Variants in ETNK1 observed in about 807,000 individuals in gnomAD.
ETNK1 encodes the protein putative protein product of Nbla10396.
Under a neutral mutation model 45.1 loss-of-function variants are expected in ETNK1, and 8 were observed. That is an observed-to-expected ratio of 0.18 (90% confidence interval 0.10 to 0.32). ETNK1 has a LOEUF of 0.32. Ranked by LOEUF, ETNK1 falls within the 10% of genes least tolerant of loss-of-function variation. The pLI is 1.00. For missense variants in ETNK1, 302 were observed against 430.6 expected, an observed-to-expected ratio of 0.70 and a Z score of 2.64; for synonymous variants, 152 against 151.9, an observed-to-expected ratio of 1.00 and a Z score of -0.01.
At position 22,659,116 on chromosome 12, in the gene ETNK1, C is replaced by T. The variant is rs1565444134; in HGVS notation, c.519C>T (p.Leu173=). 1 of 1,613,818 alleles carries T rather than the reference C, an allele frequency of 6.2e-7. No homozygotes were observed. Among genetic ancestry groups the T allele is most frequent in the South Asian group, 1.1e-5 (1 of 91,046 alleles). Residue 173 remains leucine, a synonymous_variant, in exon 3 of 8, where the codon CTC becomes CTT. Transcript: ENST00000266517. ...LWLKMGKYFS[L]IPTGFADEDI... ...TAAAGATGGGAAAGTATTTCTCTCT[C>T]ATTCCCACAGGATTTGCAGATGAAG... is the stretch of plus-strand genomic sequence containing the variant.
intron 2 of ETNK1, 103 bp from the exon 3 acceptor site, chr12:22,658,911 A>G: frequency 8.3e-7 from 1 of 1,211,496 alleles, no homozygotes; most frequent in South Asian, 1.5e-5. Flanking sequence ...GGTCTACAAG[A>G]AGATTCGGGA....
In ETNK1 at chr12:22,645,686, A is replaced by G. The variant is rs759094323; in HGVS notation, c.416+1664A>G. On this transcript the variant is annotated intron_variant, in intron 2 of 7. Transcript: ENST00000266517. ...TCAAGTTAGAGTAATTGGTGTATCT[A>G]TCATCTCAGACATTTTTTTTTGGGT... Among the ~76,000 whole-genome samples, 11 of 151,926 alleles carry G rather than the reference A, an allele frequency of 7.2e-5. No homozygotes were observed. The East Asian group carries it at 7.7e-4, about 11-fold the overall frequency.
In ETNK1 at chr12:22,689,486, C is replaced by G. The variant is rs1369841151; in HGVS notation, c.*4532C>G. On this transcript the variant is annotated 3_prime_UTR_variant, in exon 8 of 8. Coordinates refer to ENST00000266517, the MANE Select transcript of ETNK1 (RefSeq NM_018638.5). ...CCCATTGTTTTGGTTAACATCTTACCCATTTGTTGTATTTCAAATGCCATT... is the reference window on the plus strand; with the variant it reads ...CCCATTGTTTTGGTTAACATCTTACGCATTTGTTGTATTTCAAATGCCATT... 3 of 151,862 alleles carry G rather than the reference C, an allele frequency of 2.0e-5. No individual in the cohort carries two copies. Among genetic ancestry groups the G allele is most frequent in the Non-Finnish European group, 4.4e-5 (3 of 67,834 alleles). 9.4% of individuals were successfully genotyped at this position (151,862 alleles called of 1,614,324 possible).
intron 2 of ETNK1, among the ~76,000 whole-genome samples, chr12:22,644,810 G>C (rs546238334): frequency 1.4e-4 from 21 of 152,038 alleles, no homozygotes; most frequent in African/African-American, 5.1e-4. Flanking sequence ...ACTTGTGAAA[G>C]AGTGAGAATG....
intron 1 of ETNK1, among the ~76,000 whole-genome samples, chr12:22,628,799 G>A (rs920945006): frequency 6.6e-6 from 1 of 152,036 alleles, no homozygotes; most frequent in Non-Finnish European, 1.5e-5. Flanking sequence ...AGGCTTCATA[G>A]GTAGGAATTA....
At chr12:22,669,276 C>G (rs1954082795) in intron 4 of ETNK1, among the ~76,000 whole-genome samples, 1 of 151,914 alleles carries the variant, frequency 6.6e-6, no homozygotes, top group Non-Finnish European at 1.5e-5. Context: ...TTTAAAATAA[C>G]TTTTTTCCTT....
intron 1 of ETNK1, among the ~76,000 whole-genome samples, chr12:22,628,179 A>AT (rs1953530514): frequency 6.6e-6 from 1 of 152,088 alleles, no homozygotes; most frequent in African/African-American, 2.4e-5. Context: ...CTATCCTGTG[A>AT]GGTAGATGTA....
At chr12:22,638,840 A>G (rs1463432081) in intron 1 of ETNK1, 5 of 152,180 alleles carry the variant, frequency 3.3e-5, no homozygotes, top group African/African-American at 1.2e-4. Flanking sequence ...TAACCCCTTT[A>G]AAGTATTTTA....
rs1565865365 is a variant in ETNK1, at chr12:22,642,369, A to C, written c.157-1394A>C. ...ATGATAAAAAATAGTCATTTTAAGT[A>C]TATATTCTTCCTGACAGTGTCTTTC... is the stretch of plus-strand genomic sequence containing the variant. On this transcript the variant is annotated intron_variant, in intron 1 of 7. Coordinates refer to ENST00000266517, the MANE Select transcript of ETNK1 (RefSeq NM_018638.5). Among the ~76,000 whole-genome samples, 6 of 152,022 alleles carry C rather than the reference A, an allele frequency of 3.9e-5. No homozygotes were observed. The South Asian group carries it at 1.2e-3, about 32-fold the overall frequency.
chr12:22,625,385 C>A lies in ETNK1; in HGVS notation c.-46C>A. ...TGTCGGCGCCCGCCGTTCTCGTGGT[C>A]GCCGTCGCCGTCGTCGTGGTGGTAG... On this transcript the variant is annotated 5_prime_UTR_variant, in exon 1 of 8. Coordinates refer to ENST00000266517, the MANE Select transcript of ETNK1 (RefSeq NM_018638.5). 1 of 1,561,160 alleles carries A rather than the reference C, an allele frequency of 6.4e-7. No homozygotes were observed. The highest frequency in any genetic ancestry group is 1.2e-5 in the South Asian group (1 of 86,238).
At chr12:22,680,765 C>T (rs1277940815) in intron 6 of ETNK1, among the ~76,000 whole-genome samples, 1 of 151,902 alleles carries the variant, frequency 6.6e-6, no homozygotes, top group Non-Finnish European at 1.5e-5. Flanking sequence ...ATGATACAGA[C>T]TTCTAAAGAT....
chr12:22,662,948 T>G (rs1954021163), intron 4 of ETNK1, among the ~76,000 whole-genome samples: 3 of 152,222 alleles, frequency 2.0e-5, no homozygotes, highest in Non-Finnish European at 4.4e-5. Flanking sequence ...TAAGCACATA[T>G]TGCCAAAAAT....
At chr12:22,650,482 GATA>G (rs1243944283) in intron 2 of ETNK1, among the ~76,000 whole-genome samples, 3 of 151,846 alleles carry the variant, frequency 2.0e-5, no homozygotes, top group African/African-American at 7.3e-5. Flanking sequence ...GAGTTTTTAT[GATA>G]ATGAGTGCTA....
intron 6 of ETNK1, among the ~76,000 whole-genome samples, chr12:22,674,476 G>T (rs951649364): frequency 6.6e-6 from 1 of 152,162 alleles, no homozygotes; most frequent in Admixed American, 6.5e-5. Context: ...TCCCAAGTAA[G>T]AAGGTGTCCT....
intron 2 of ETNK1, among the ~76,000 whole-genome samples, chr12:22,653,376 T>G (rs1953901776): frequency 6.6e-6 from 1 of 152,154 alleles, no homozygotes; most frequent in African/African-American, 2.4e-5. Flanking sequence ...AGGATAGCTT[T>G]TTCTTTTTCT....
At chr12:22,642,221 C>T (rs970757449) in intron 1 of ETNK1, among the ~76,000 whole-genome samples, 14 of 151,816 alleles carry the variant, frequency 9.2e-5, no homozygotes, top group Non-Finnish European at 1.5e-4. Flanking sequence ...TCTTTATTAC[C>T]GTATTTGAAA....
chr12:22,682,402 T>A (rs574520495), intron 6 of ETNK1: 10 of 326,264 alleles, frequency 3.1e-5, no homozygotes, highest in African/African-American at 2.2e-4. Flanking sequence ...ATAACTCTAG[T>A]TTGATAACTC....
intron 2 of ETNK1, among the ~76,000 whole-genome samples, chr12:22,647,916 C>T (rs181305496): frequency 3.7e-4 from 56 of 151,956 alleles, no homozygotes; most frequent in African/African-American, 1.3e-3. Context: ...CTTACTGAGA[C>T]AAGGTAGGAG....
chr12:22,644,327 A>T (rs763566804), intron 2 of ETNK1: 1 of 1,548,372 alleles, frequency 6.5e-7, no homozygotes, highest in Non-Finnish European at 8.7e-7. Context: ...TTGAAGTGTT[A>T]TACATTTCTT....
Sources: allele counts gnomAD v4.1 joint callset (sites outside exome capture counted in the v4.1 genomes callset), GRCh38; gene constraint gnomAD v4.1.1; transcripts MANE v1.5; gene names NCBI Gene and HGNC (gene_info 2026-07-23, HGNC 2026-07-21).